Variants in STK38 observed in about 807,000 individuals in gnomAD.
STK38 encodes the protein serine/threonine-protein kinase 38.
Under a neutral mutation model 59.0 loss-of-function variants are expected in STK38, and 26 were observed. The observed-to-expected ratio is 0.44, with a 90% CI of 0.32 to 0.61. STK38 has a LOEUF of 0.61. Among genes scored for constraint, STK38 ranks in the 20% least tolerant of loss-of-function variants. The pLI, the probability that STK38 is intolerant of heterozygous loss-of-function variation, is 0.04. For missense variants in STK38, 433 were observed against 566.0 expected, an observed-to-expected ratio of 0.76 and a Z score of 2.38; for synonymous variants, 175 against 176.6, an observed-to-expected ratio of 0.99 and a Z score of 0.07.
intron 4 of STK38, among the ~76,000 whole-genome samples, chr6:36,523,390 G>C (rs1420336984): frequency 6.6e-6 from 1 of 151,528 alleles, no homozygotes; most frequent in Non-Finnish European, 1.5e-5. Flanking sequence ...AGCCTCCTGA[G>C]TAGCTGGGAT....
intron 7 of STK38, among the ~76,000 whole-genome samples, chr6:36,507,930 A>ATTTTTTTTTT (rs35789250): frequency 1.8e-5 from 2 of 113,238 alleles, no homozygotes; most frequent in East Asian, 2.6e-4. Flanking sequence ...GGTATTCAGA[A>ATTTTTTTTTT]TTTTTTTTTT....
chr6:36,512,434 C>T (rs1336170613), intron 7 of STK38, among the ~76,000 whole-genome samples: 1 of 152,200 alleles, frequency 6.6e-6, no homozygotes, highest in Non-Finnish European at 1.5e-5. Flanking sequence ...CCAACCAGGG[C>T]ATCTGAACTT....
At chr6:36,523,613 C>T (rs1239158973) in intron 4 of STK38, among the ~76,000 whole-genome samples, 6 of 152,076 alleles carry the variant, frequency 3.9e-5, no homozygotes, top group African/African-American at 1.4e-4. Context: ...GCAATTATTG[C>T]GTCAGTAGGT....
chr6:36,497,127 C>T lies in STK38; in HGVS notation c.1173-322G>A, dbSNP rs75859364. On this transcript the variant is annotated intron_variant, in intron 12 of 13. Coordinates refer to ENST00000229812, the MANE Select transcript of STK38 (RefSeq NM_007271.4). ...AAGGGAAACTGAACCTCTAAATGTC[C>T]CCTTGTGTAGGGCTCTGCCCTTCTT... Among the ~76,000 whole-genome samples the T allele has an allele frequency of 1.4e-4, 22 of 152,344 alleles. No homozygotes were observed. The East Asian group carries it at 4.1e-3, about 28-fold the overall frequency.
intron 7 of STK38, among the ~76,000 whole-genome samples, chr6:36,510,785 T>C (rs887261848): frequency 1.3e-5 from 2 of 152,220 alleles, no homozygotes; most frequent in African/African-American, 4.8e-5. Context: ...GTTAAATGGC[T>C]TGCCGTTAAA....
intron 9 of STK38, among the ~76,000 whole-genome samples, chr6:36,501,568 T>C (rs1482542441): frequency 6.6e-6 from 1 of 151,000 alleles, no homozygotes; most frequent in African/African-American, 2.4e-5. Context: ...TTTTTTTTTT[T>C]GAGATGAACC....
chr6:36,535,540 T>A (rs1231557201), intron 2 of STK38, among the ~76,000 whole-genome samples: 2 of 152,104 alleles, frequency 1.3e-5, no homozygotes, highest in African/African-American at 4.8e-5. Flanking sequence ...ATTGTTAAGA[T>A]GTCGATTCTC....
At chr6:36,541,603 T>C (rs1000494336) in intron 1 of STK38, among the ~76,000 whole-genome samples, 1 of 152,146 alleles carries the variant, frequency 6.6e-6, no homozygotes, top group African/African-American at 2.4e-5. Context: ...TGCAGACAAT[T>C]AAAATATGTC....
Position 36,539,152 on chromosome 6 carries a change from G to A in STK38, c.131+920C>T, listed in dbSNP as rs181563545. Among the ~76,000 whole-genome samples the A allele has an allele frequency of 3.6e-4, 54 of 151,810 alleles. No individual in the cohort carries two copies. In the East Asian group the frequency reaches 4.9e-3, roughly 14 times the overall value. On this transcript the variant is annotated intron_variant, in intron 2 of 13. Coordinates refer to ENST00000229812, the MANE Select transcript of STK38 (RefSeq NM_007271.4). ...TGTAATCCCAGCACTATGGGAGGCCGAGGCAGGTGGAATGCCTGAGGTCAG... is the reference window on the plus strand; with the variant it reads ...TGTAATCCCAGCACTATGGGAGGCCAAGGCAGGTGGAATGCCTGAGGTCAG...
Position 36,497,680 on chromosome 6 carries a change from TC to T in STK38, c.1172+99del. 5 of 915,372 alleles carry T rather than the reference TC, an allele frequency of 5.5e-6. 1 individual carries two copies. The highest frequency in any genetic ancestry group is 8.5e-6 in the Non-Finnish European group (5 of 586,802). The allele number at this position is 915,372 out of a possible 1,614,324, so 56.7% of individuals were successfully genotyped here. Reference sequence around the variant, plus strand: ...AAGACCCTAAATCTCTAAGAAGCTCTCTTCCCTTACTTGGCTTGCCAATGAT... The same window carrying T: ...AAGACCCTAAATCTCTAAGAAGCTCTTTCCCTTACTTGGCTTGCCAATGAT... On this transcript the variant is annotated intron_variant, in intron 12 of 13. Transcript: ENST00000229812.
intron 2 of STK38, among the ~76,000 whole-genome samples, chr6:36,527,209 T>C (rs201710472): frequency 4.8e-4 from 49 of 102,130 alleles, no homozygotes; most frequent in Middle Eastern, 4.4e-3. Flanking sequence ...AAAAAAAAAA[T>C]ATATGTATAT....
chr6:36,506,001 G>A (rs946239110), intron 9 of STK38, among the ~76,000 whole-genome samples: 3 of 152,054 alleles, frequency 2.0e-5, no homozygotes, highest in South Asian at 2.1e-4. Context: ...AGGTAAACAC[G>A]ATGTTTCTTA....
At chr6:36,519,139 C>T (rs969634361) in intron 5 of STK38, among the ~76,000 whole-genome samples, 1 of 152,110 alleles carries the variant, frequency 6.6e-6, no homozygotes, top group African/African-American at 2.4e-5. Context: ...CTACTAAAAT[C>T]ATTCTTTGGG....
chr6:36,517,920 C>T, intron 5 of STK38, 80 bp from the exon 6 acceptor site: 2 of 1,521,220 alleles, frequency 1.3e-6, no homozygotes, highest in East Asian at 2.3e-5. Flanking sequence ...AATTTAAATA[C>T]TGTGCTTAAA....
At chr6:36,527,207 A>AAAAAAAAAAAAAAAAAATATAT (rs60162863) in intron 2 of STK38, among the ~76,000 whole-genome samples, 1 of 119,352 alleles carries the variant, frequency 8.4e-6, no homozygotes. Context: ...AAAAAAAAAA[A>AAAAAAAAAAAAAAAAAATATAT]ATATATGTAT....
Position 36,515,386 on chromosome 6 carries a change from T to A in STK38, c.621A>T (p.Gly207=). 6.2e-7 allele frequency: 1 copy of A among 1,614,070 alleles called. No individual in the cohort carries two copies. The highest frequency in any genetic ancestry group is 1.3e-5 in the African/African-American group (1 of 74,986). ...VLAIDSIHQL[G]FIHRDIKPDN... ...CTGGTTTGATGTCTCTGTGGATGAA[T>A]CCAAGTTGGTGAATAGAGTCTATGG... The change falls in exon 7 of 14, where the codon GGA becomes GGT. Residue 207 remains glycine, a synonymous_variant. Coordinates refer to ENST00000229812, the MANE Select transcript of STK38 (RefSeq NM_007271.4).
intron 2 of STK38, among the ~76,000 whole-genome samples, chr6:36,537,439 T>C (rs952504105): frequency 2.6e-5 from 4 of 152,174 alleles, no homozygotes; most frequent in Non-Finnish European, 5.9e-5. Flanking sequence ...ACAAGATTGG[T>C]ACAAAAATGT....
At chr6:36,512,786 G>A (rs180680407) in intron 7 of STK38, among the ~76,000 whole-genome samples, 169 of 151,254 alleles carry the variant, frequency 1.1e-3, no homozygotes, top group Non-Finnish European at 2.0e-3. Flanking sequence ...TCAGCCTCCC[G>A]AGTAGCTGGG....
intron 5 of STK38, among the ~76,000 whole-genome samples, chr6:36,518,299 A>G (rs1777301875): frequency 6.6e-6 from 1 of 152,240 alleles, no homozygotes; most frequent in Non-Finnish European, 1.5e-5. Context: ...ATACCACAGC[A>G]TTTAGTTCAC....
Sources: gnomAD v4.1 joint callset for allele counts (sites outside exome capture counted in the v4.1 genomes callset) on GRCh38, gnomAD v4.1.1 for gene constraint, MANE v1.5 for transcripts, NCBI Gene and HGNC (gene_info 2026-07-23, HGNC 2026-07-21) for gene names.